The following FSTL4 variants were observed in gnomAD, a reference collection of about 807,000 sequenced individuals.
FSTL4 encodes the protein follistatin like 4, also known as follistatin-related protein 4.
Under a neutral mutation model 78.2 loss-of-function variants are expected in FSTL4, and 28 were observed. The ratio of observed to expected loss-of-function variants is 0.36; its 90% CI spans 0.27 to 0.49. The LOEUF (loss-of-function observed/expected upper bound fraction) is 0.49. FSTL4 is among the 20% of genes least tolerant of loss of function. The pLI is 0.98. For synonymous variants in FSTL4, 422 were observed against 440.5 expected (o/e 0.96, Z 0.53); for missense variants, 922 against 1,084.9 (o/e 0.85, Z 2.11).
At chr5:133,563,305 G>A (rs535471808) in intron 3 of FSTL4, among the ~76,000 whole-genome samples, 1 of 152,306 alleles carries the variant, frequency 6.6e-6, no homozygotes, top group East Asian at 1.9e-4. Flanking sequence ...TCAGCTCTCT[G>A]GGCTTGGCAG....
chr5:133,654,374 G>T, the FSTL4 span, among the ~76,000 whole-genome samples: 2 of 152,222 alleles, frequency 1.3e-5, no homozygotes, highest in Non-Finnish European at 2.9e-5. Context: ...CCTGTCCAAA[G>T]CCACCAAGGC....
the FSTL4 span, among the ~76,000 whole-genome samples, chr5:133,760,982 G>C: frequency 6.6e-6 from 1 of 152,158 alleles, no homozygotes; most frequent in Admixed American, 6.6e-5. Flanking sequence ...GCCCAGCATG[G>C]CGGAAGCTCC....
chr5:133,560,878 AGATAGAG>A (rs1444449281), intron 3 of FSTL4, among the ~76,000 whole-genome samples: 1 of 151,056 alleles, frequency 6.6e-6, no homozygotes, highest in African/African-American at 2.4e-5. Flanking sequence ...CGAGGTCAGG[AGATAGAG>A]ACCATCCTGG....
intron 2 of FSTL4, among the ~76,000 whole-genome samples, chr5:133,580,742 T>C (rs1760383852): frequency 6.6e-6 from 1 of 152,194 alleles, no homozygotes; most frequent in East Asian, 1.9e-4. Flanking sequence ...GGAGCCTCTC[T>C]CTTCACTGTC....
chr5:133,445,980 A>G (rs1757254929), intron 3 of FSTL4, among the ~76,000 whole-genome samples: 1 of 152,214 alleles, frequency 6.6e-6, no homozygotes, highest in Non-Finnish European at 1.5e-5. Flanking sequence ...AATGGATACT[A>G]CAAGTTTATA....
chr5:133,361,416 A>G lies in FSTL4; in HGVS notation c.409+39322T>C, dbSNP rs971139925. ...TCTGTCATCTGCAGTTTCTTCTACA[A>G]CAGCAGCAGGCCCTCTCTTGCTCTG... On this transcript the variant is annotated intron_variant, in intron 4 of 15. Coordinates refer to ENST00000265342, the MANE Select transcript of FSTL4 (RefSeq NM_015082.2). The surrounding 1 kb of genome is among the most constrained non-coding windows in gnomAD (Gnocchi z 4.3). 6.6e-6 allele frequency among the ~76,000 whole-genome samples: 1 copy of G among 152,198 alleles called. No individual in the cohort carries two copies. Among genetic ancestry groups the G allele is most frequent in the Admixed American group, 6.5e-5 (1 of 15,282 alleles).
the FSTL4 span, among the ~76,000 whole-genome samples, chr5:133,635,331 T>G: frequency 5.3e-5 from 8 of 152,360 alleles, no homozygotes; most frequent in South Asian, 1.7e-3. Context: ...AGCACTGCAC[T>G]TACATGCTTA....
intron 3 of FSTL4, among the ~76,000 whole-genome samples, chr5:133,532,547 A>G (rs1759277341): frequency 6.6e-6 from 1 of 152,192 alleles, no homozygotes; most frequent in Non-Finnish European, 1.5e-5. Context: ...AAGAGCTCCC[A>G]AGGAAGACCC....
At chr5:133,322,450 G>A (rs564421046) in intron 4 of FSTL4, among the ~76,000 whole-genome samples, 2 of 152,198 alleles carry the variant, frequency 1.3e-5, no homozygotes, top group South Asian at 2.1e-4. Flanking sequence ...TGAGGATCTA[G>A]GGGCAAGCAG....
Position 133,581,374 on chromosome 5 carries a change from C to A in FSTL4, c.127-14155G>T, listed in dbSNP as rs891375617. 9.9e-5 allele frequency among the ~76,000 whole-genome samples: 15 copies of A among 152,166 alleles called. 1 individual carries two copies. Among genetic ancestry groups the A allele is most frequent in the Admixed American group, 9.8e-4 (15 of 15,274 alleles). The stretch of plus-strand genomic sequence containing the variant: ...GATGCACCATGAACTTCAGTTTCCT[C>A]GTCTGAAGAGGAGATTGAAAGGTGC... On this transcript the variant is annotated intron_variant, in intron 2 of 15. Transcript: ENST00000265342.
At chr5:133,739,363 G>A in the FSTL4 span, among the ~76,000 whole-genome samples, 13 of 151,748 alleles carry the variant, frequency 8.6e-5, no homozygotes, top group Non-Finnish European at 1.5e-4. Flanking sequence ...AGCCCGCCAG[G>A]AGGCACCACG....
chr5:133,592,748 C>T (rs1760657747), intron 2 of FSTL4, among the ~76,000 whole-genome samples: 1 of 152,058 alleles, frequency 6.6e-6, no homozygotes, highest in Admixed American at 6.6e-5. Flanking sequence ...TCTCACCTTG[C>T]TTGCTCTGTT....
At chr5:133,476,822 C>T (rs541895205) in intron 3 of FSTL4, among the ~76,000 whole-genome samples, 8 of 152,196 alleles carry the variant, frequency 5.3e-5, no homozygotes, top group Non-Finnish European at 8.8e-5. Flanking sequence ...CAGTGAGACA[C>T]TCATTGAGCC....
intron 3 of FSTL4, among the ~76,000 whole-genome samples, chr5:133,414,898 C>T (rs1756546500): frequency 6.6e-6 from 1 of 152,110 alleles, no homozygotes; most frequent in Non-Finnish European, 1.5e-5. Context: ...AACTCTCCTG[C>T]CACCAGGAAT....
intron 6 of FSTL4, among the ~76,000 whole-genome samples, chr5:133,285,994 C>T (rs1753120864): frequency 6.6e-6 from 1 of 152,230 alleles, no homozygotes; most frequent in African/African-American, 2.4e-5. Flanking sequence ...AAGCTCTGTG[C>T]CAAGCCCTGT....
the FSTL4 span, among the ~76,000 whole-genome samples, chr5:133,762,030 C>A: frequency 6.6e-6 from 1 of 152,180 alleles, no homozygotes; most frequent in African/African-American, 2.4e-5. Flanking sequence ...GGCTAAGAAA[C>A]TGTGCAATTT....
chr5:133,441,255 T>G lies in FSTL4; in HGVS notation c.161-40269A>C, dbSNP rs555146408. Among the ~76,000 whole-genome samples, 124 of 152,238 alleles carry G rather than the reference T, an allele frequency of 8.1e-4. 1 individual carries two copies. Among genetic ancestry groups the G allele is most frequent in the Admixed American group, 2.7e-3 (41 of 15,300 alleles). Reference sequence around the variant, plus strand: ...CACCTGAGGGGTGCAGAGCTGGTACTTATCCAGCAACTCTTGCTCATTGTT... The same window carrying G: ...CACCTGAGGGGTGCAGAGCTGGTACGTATCCAGCAACTCTTGCTCATTGTT... On this transcript the variant is annotated intron_variant, in intron 3 of 15. Coordinates refer to ENST00000265342, the MANE Select transcript of FSTL4 (RefSeq NM_015082.2).
the FSTL4 span, among the ~76,000 whole-genome samples, chr5:133,697,394 G>A: frequency 1.3e-5 from 2 of 152,310 alleles, no homozygotes; most frequent in African/African-American, 2.4e-5. Flanking sequence ...GGGATCAGCA[G>A]GTTCCTCCCC....
At chr5:133,214,041 A>G (rs552424186) in intron 13 of FSTL4, among the ~76,000 whole-genome samples, 3 of 152,232 alleles carry the variant, frequency 2.0e-5, no homozygotes, top group Non-Finnish European at 4.4e-5. Flanking sequence ...GGAAAATGAT[A>G]TAATTTTAAA....
Sources: gnomAD v4.1 joint callset for allele counts (sites outside exome capture counted in the v4.1 genomes callset) on GRCh38, gnomAD v4.1.1 for gene constraint, Gnocchi (gnomAD v3.1) non-coding constraint, MANE v1.5 for transcripts, NCBI Gene and HGNC (gene_info 2026-07-23, HGNC 2026-07-21) for gene names.